The following ANXA4 variants were observed in gnomAD, a reference collection of about 807,000 sequenced individuals.
ANXA4 encodes the protein annexin A4.
ANXA4 carries 39 observed loss-of-function variants against 49.8 expected under a neutral mutation model. The ratio of observed to expected loss-of-function variants is 0.78; its 90% CI spans 0.61 to 1.02. The LOEUF is 1.02. Among genes scored for constraint, ANXA4 ranks in the 50% least tolerant of loss-of-function variants. The pLI is 0.00. For synonymous variants in ANXA4, 134 were observed against 152.5 expected, an observed-to-expected ratio of 0.88 and a Z score of 0.89; for missense variants, 360 against 410.1, an observed-to-expected ratio of 0.88 and a Z score of 1.05.
chr2:69,749,938 A>G (rs542960514), intron 1 of ANXA4, among the ~76,000 whole-genome samples: 1 of 152,102 alleles, frequency 6.6e-6, no homozygotes, highest in South Asian at 2.1e-4. Flanking sequence ...AAAAAAAGAA[A>G]AAGATGGAGG....
At position 69,651,819 on chromosome 2, in the gene ANXA4, G is replaced by T. The variant is rs1297623494; in HGVS notation, n.482-1179G>T. On this transcript the variant is annotated intron_variant and non_coding_transcript_variant, in intron 1 of 3. Coordinates refer to the ANXA4 transcript ENST00000418066. ...GCCCGGCTTTTTTTTTTTTTTTTTGGGGGGGGGGGGCGGGGAGACAGAGTC... is the reference window on the plus strand; with the variant it reads ...GCCCGGCTTTTTTTTTTTTTTTTTGTGGGGGGGGGGCGGGGAGACAGAGTC... Among the ~76,000 whole-genome samples the T allele has an allele frequency of 3.5e-4, 15 of 42,946 alleles. 1 individual carries two copies. The highest frequency in any genetic ancestry group is 1.3e-3 in the African/African-American group (10 of 7,768). The allele number at this position is 42,946 out of a possible 152,430, so 28.2% of individuals were successfully genotyped here. A position where few individuals can be genotyped will look rare whatever the true frequency, so the allele number is the denominator to read the frequency against.
intron 3 of ANXA4, among the ~76,000 whole-genome samples, chr2:69,732,105 G>C (rs1383711905): frequency 2.0e-5 from 3 of 150,564 alleles, no homozygotes; most frequent in Non-Finnish European, 2.9e-5. Context: ...AGCCTCCTGA[G>C]TAGCTGGGAC....
intron 2 of ANXA4, among the ~76,000 whole-genome samples, chr2:69,659,561 A>G (rs1454868517): frequency 1.3e-5 from 2 of 152,142 alleles, no homozygotes; most frequent in African/African-American, 4.8e-5. Flanking sequence ...TTTTGTTACT[A>G]TGTATGGCAT....
chr2:69,819,296 C>G lies in ANXA4; in HGVS notation c.741C>G (p.Asn247Lys). Residue 247 changes from asparagine (N) to lysine (K), a missense_variant, in exon 11 of 13, where the codon AAC becomes AAG. Asn to Lys is a moderately conservative substitution (Grantham distance 94). Transcript: ENST00000394295. ...CTTTGACAGTAAAGTGCATGAGGAA[C>G]AAATCTGCATATTTTGCTGAAAAGC... The part of the protein sequence containing the change: ...ALLAIVKCMR[N>K]KSAYFAEKLY... 1 of 1,607,074 alleles carries G rather than the reference C, an allele frequency of 6.2e-7. No homozygotes were observed. Among genetic ancestry groups the G allele is most frequent in the Non-Finnish European group, 8.5e-7 (1 of 1,175,924 alleles).
intron 3 of ANXA4, among the ~76,000 whole-genome samples, chr2:69,733,393 C>T (rs767660265): frequency 3.3e-5 from 5 of 152,014 alleles, no homozygotes; most frequent in African/African-American, 7.3e-5. Context: ...CACCTGAGCC[C>T]AGGAGTTTGA....
At chr2:69,820,074 G>GAA (rs201509115) in intron 11 of ANXA4, among the ~76,000 whole-genome samples, 1 of 119,092 alleles carries the variant, frequency 8.4e-6, no homozygotes, top group Non-Finnish European at 1.8e-5. Context: ...TCTCAAAAAA[G>GAA]AAAAAAAAAA....
At chr2:69,716,448 C>T (rs893761428) in intron 2 of ANXA4, among the ~76,000 whole-genome samples, 1 of 152,108 alleles carries the variant, frequency 6.6e-6, no homozygotes. Flanking sequence ...CGAGGAACTG[C>T]GAGCAGCTCA....
intron 2 of ANXA4, among the ~76,000 whole-genome samples, chr2:69,675,394 C>G (rs1677370639): frequency 1.3e-5 from 2 of 152,174 alleles, no homozygotes; most frequent in Non-Finnish European, 2.9e-5. Flanking sequence ...TGACAATACT[C>G]TATCACATAT....
chr2:69,820,168 A>G (rs1054048982), intron 11 of ANXA4, among the ~76,000 whole-genome samples: 9 of 152,052 alleles, frequency 5.9e-5, no homozygotes, highest in Non-Finnish European at 1.2e-4. Flanking sequence ...GCAAAACACC[A>G]ATTATAACAA....
rs537395613 is a variant in ANXA4 at position 69,770,937 on chromosome 2, A to AAAG, written c.-46-10581_-46-10580insGAA. ...GGCCTTGTCTAGAAAATTTAAAAAA[A>AAAG]AAAAAAATTAGCTGGGCGTGGTGGC... is the stretch of plus-strand genomic sequence containing the variant. On this transcript the variant is annotated intron_variant, in intron 1 of 12. Transcript: ENST00000394295. 4.2e-3 allele frequency among the ~76,000 whole-genome samples: 642 copies of AAAG among 151,314 alleles called. 2 individuals are homozygous for AAAG. The highest frequency in any genetic ancestry group is 5.8e-3 in the Non-Finnish European group (393 of 67,770).
chr2:69,716,734 C>T (rs17036942), intron 2 of ANXA4, among the ~76,000 whole-genome samples: 9,363 of 152,042 alleles, frequency 0.062, 985 homozygotes, highest in African/African-American at 0.21. Flanking sequence ...GAAAATGACT[C>T]GACGTTTTTG....
chr2:69,751,481 C>T (rs933117528), intron 1 of ANXA4, among the ~76,000 whole-genome samples: 3 of 140,054 alleles, frequency 2.1e-5, no homozygotes, highest in African/African-American at 8.2e-5. Context: ...GAACTCCAAC[C>T]TGGATGACAG....
chr2:69,749,987 C>T (rs1670773427), intron 1 of ANXA4, among the ~76,000 whole-genome samples: 1 of 151,314 alleles, frequency 6.6e-6, no homozygotes, highest in Admixed American at 6.6e-5. Flanking sequence ...GCATTAAATA[C>T]TTCTAGGAGG....
At position 69,825,546 on chromosome 2, in the gene ANXA4, T is replaced by C; in HGVS notation, c.*31T>C. 1.3e-6 allele frequency: 2 copies of C among 1,556,740 alleles called. No individual in the cohort carries two copies. Among genetic ancestry groups the C allele is most frequent in the South Asian group, 2.3e-5 (2 of 85,900 alleles). Reference sequence around the variant, plus strand: ...AAATCCCAGAAGGACAGGAGGATTCTCAACACTTTGAATTTTTTTAACTTC... The same window carrying C: ...AAATCCCAGAAGGACAGGAGGATTCCCAACACTTTGAATTTTTTTAACTTC... On this transcript the variant is annotated 3_prime_UTR_variant, in exon 13 of 13. Coordinates refer to ENST00000394295, the MANE Select transcript of ANXA4 (RefSeq NM_001153.5).
chr2:69,781,424 C>T, intron 1 of ANXA4, 96 bp from the exon 2 acceptor site: 2 of 1,001,760 alleles, frequency 2.0e-6, no homozygotes, highest in African/African-American at 1.6e-5. Flanking sequence ...GTCATTTCCT[C>T]ATGGCTTAGC....
chr2:69,778,488 A>C (rs1173983686), intron 1 of ANXA4, among the ~76,000 whole-genome samples: 1 of 151,996 alleles, frequency 6.6e-6, no homozygotes, highest in East Asian at 1.9e-4. Context: ...TTAGAAAGTA[A>C]AGTTGGGCTG....
chr2:69,816,430 T>C (rs1673997424), intron 9 of ANXA4: 1 of 382,616 alleles, frequency 2.6e-6, no homozygotes, highest in East Asian at 4.4e-5. Flanking sequence ...AAGTTTGGCA[T>C]TCTTGTTTCT....
intron 8 of ANXA4, chr2:69,815,030 G>A (rs1180505711): frequency 1.3e-5 from 2 of 152,260 alleles, no homozygotes; most frequent in Admixed American, 6.5e-5. Flanking sequence ...AGTCAGGCAG[G>A]AGGAGTCCCT....
intron 3 of ANXA4, among the ~76,000 whole-genome samples, chr2:69,736,431 T>C (rs1414265677): frequency 1.3e-5 from 2 of 152,202 alleles, no homozygotes; most frequent in African/African-American, 2.4e-5. Context: ...ATATCATATA[T>C]TTAAAGCACC....
Sources: gnomAD v4.1 joint callset for allele counts (sites outside exome capture counted in the v4.1 genomes callset) on GRCh38, gnomAD v4.1.1 for gene constraint, MANE v1.5 for transcripts, NCBI Gene and HGNC (gene_info 2026-07-23, HGNC 2026-07-21) for gene names.